The following PITPNA variants were observed in gnomAD, a reference collection of about 807,000 sequenced individuals.
The protein encoded by PITPNA is phosphatidylinositol transfer protein alpha isoform.
PITPNA carries 13 observed loss-of-function variants against 50.3 expected under a neutral mutation model. The observed-to-expected ratio is 0.26, with a 90% CI of 0.17 to 0.41. PITPNA has a LOEUF of 0.41. Among genes scored for constraint, PITPNA ranks in the 10% least tolerant of loss-of-function variants. PITPNA has a pLI of 1.00. For missense variants in PITPNA, 207 were observed against 333.4 expected (o/e 0.62, Z 2.95); for synonymous variants, 120 against 119.6 (o/e 1.00, Z -0.02).
chr17:1,556,566 C>T (rs934964186), intron 2 of PITPNA, among the ~76,000 whole-genome samples: 5 of 152,158 alleles, frequency 3.3e-5, no homozygotes, highest in African/African-American at 1.2e-4. Flanking sequence ...CTCAGAGACA[C>T]TCTCGCCCTT....
At chr17:1,521,893 T>G (rs77591819) in intron 10 of PITPNA, among the ~76,000 whole-genome samples, 1 of 140,682 alleles carries the variant, frequency 7.1e-6, no homozygotes, top group African/African-American at 2.5e-5. Context: ...TTTTTTTTTT[T>G]GGTAAAGAGG....
At chr17:1,543,126 G>A in intron 4 of PITPNA, 99 bp from the exon 5 acceptor site, 4 of 930,512 alleles carry the variant, frequency 4.3e-6, no homozygotes, top group Non-Finnish European at 6.6e-6. Context: ...GAATGGCAGA[G>A]TGTACTTTAC....
intron 4 of PITPNA, among the ~76,000 whole-genome samples, chr17:1,548,054 T>C (rs1365345739): frequency 6.6e-6 from 1 of 152,152 alleles, no homozygotes; most frequent in Non-Finnish European, 1.5e-5. Context: ...TTATAATGAA[T>C]AACAATAATC....
At chr17:1,543,718 G>T (rs1370961994) in intron 4 of PITPNA, among the ~76,000 whole-genome samples, 2 of 152,110 alleles carry the variant, frequency 1.3e-5, no homozygotes, top group African/African-American at 4.8e-5. Context: ...TGAAGTTAAG[G>T]TGACCCCGGA....
At chr17:1,546,808 T>A (rs1247067370) in intron 4 of PITPNA, among the ~76,000 whole-genome samples, 1 of 152,162 alleles carries the variant, frequency 6.6e-6, no homozygotes, top group African/African-American at 2.4e-5. Flanking sequence ...TTTAAGAATG[T>A]CTGGACTAGA....
chr17:1,532,369 G>T (rs757292338), intron 10 of PITPNA, among the ~76,000 whole-genome samples: 1 of 152,112 alleles, frequency 6.6e-6, no homozygotes, highest in African/African-American at 2.4e-5. Context: ...TTACAGGTGT[G>T]AGCCACCGTG....
At chr17:1,532,794 T>A (rs774412510) in intron 10 of PITPNA, among the ~76,000 whole-genome samples, 4 of 152,200 alleles carry the variant, frequency 2.6e-5, no homozygotes, top group Admixed American at 6.5e-5. Context: ...AATCAGGGAC[T>A]GTGCCCCAAT....
In PITPNA at chr17:1,519,285, TGA is replaced by T. The variant is rs2075494101; in HGVS notation, c.*1274_*1275del. ...TTCACAAGGTTTGGGGAATGTCAGG[TGA>T]CACTACAGCTCTCTCTCATTCTCCC... On this transcript the variant is annotated 3_prime_UTR_variant, in exon 12 of 12. Transcript: ENST00000313486. The T allele has an allele frequency of 6.6e-6, 1 of 152,258 alleles. No individual in the cohort carries two copies. Among genetic ancestry groups the T allele is most frequent in the Non-Finnish European group, 1.5e-5 (1 of 68,050 alleles). The allele number at this position is 152,258 out of a possible 1,614,324, so 9.4% of individuals were successfully genotyped here. A position where few individuals can be genotyped will look rare whatever the true frequency, so the allele number is the denominator to read the frequency against.
intron 3 of PITPNA, among the ~76,000 whole-genome samples, chr17:1,549,167 C>T (rs566323486): frequency 9.6e-4 from 146 of 151,764 alleles, no homozygotes; most frequent in Middle Eastern, 3.4e-3. Flanking sequence ...TGGCCTCCCA[C>T]GGTGCTGGGA....
intron 2 of PITPNA, among the ~76,000 whole-genome samples, chr17:1,555,966 A>G (rs188730190): frequency 6.6e-6 from 1 of 152,258 alleles, no homozygotes; most frequent in East Asian, 1.9e-4. Flanking sequence ...CAAAGGCATG[A>G]CCTTCTCTTT....
chr17:1,529,155 A>AAAAGAGAGAG (rs1555530754), intron 10 of PITPNA, among the ~76,000 whole-genome samples: 2 of 106,642 alleles, frequency 1.9e-5, no homozygotes, highest in African/African-American at 4.1e-5. Context: ...AAAAAAAAAA[A>AAAAGAGAGAG]AGAGAGAGAG....
Position 1,562,758 on chromosome 17 carries a change from A to T in PITPNA, c.-198T>A, listed in dbSNP as rs1471618742. The T allele has an allele frequency of 5.8e-6, 1 of 172,032 alleles. No homozygotes were observed. The highest frequency in any genetic ancestry group is 2.4e-5 in the African/African-American group (1 of 41,542). The allele number at this position is 172,032 out of a possible 1,614,324, so 10.7% of individuals were successfully genotyped here. On this transcript the variant is annotated 5_prime_UTR_variant, in exon 1 of 12. Transcript: ENST00000313486. The surrounding 1 kb of genome is among the most constrained non-coding windows in gnomAD (Gnocchi z 6.4). Reference sequence around the variant, plus strand: ...CTCGTCGCCTCTCGCGCCGCTGCCGACGCCGCCCGGAGCTCCGGTTCCGCA... The same window carrying T: ...CTCGTCGCCTCTCGCGCCGCTGCCGTCGCCGCCCGGAGCTCCGGTTCCGCA...
chr17:1,550,612 T>C (rs940633494), intron 3 of PITPNA, among the ~76,000 whole-genome samples: 1 of 151,902 alleles, frequency 6.6e-6, no homozygotes, highest in East Asian at 1.9e-4. Flanking sequence ...ACTGGCAGCC[T>C]TGACTTCCTG....
intron 3 of PITPNA, among the ~76,000 whole-genome samples, chr17:1,549,509 G>A (rs932457949): frequency 1.4e-5 from 2 of 147,262 alleles, no homozygotes; most frequent in African/African-American, 2.5e-5. Flanking sequence ...GTAAAGACAG[G>A]GTTTCGCCAT....
intron 10 of PITPNA, among the ~76,000 whole-genome samples, chr17:1,525,395 G>A (rs2075541443): frequency 6.6e-6 from 1 of 151,858 alleles, no homozygotes; most frequent in Admixed American, 6.6e-5. Context: ...TGAAGAACCT[G>A]GAATTTTAAG....
At position 1,529,859 on chromosome 17, in the gene PITPNA, G is replaced by GA. The variant is rs576234626; in HGVS notation, c.768+4239dup. Among the ~76,000 whole-genome samples the GA allele has an allele frequency of 1.2e-3, 146 of 125,620 alleles. 1 individual carries two copies. Among genetic ancestry groups the GA allele is most frequent in the Middle Eastern group, 3.9e-3 (1 of 258 alleles). 82.4% of individuals were successfully genotyped at this position (125,620 alleles called of 152,430 possible). ...GACAGAGCGAGACTCTGTTTCAAAAGAAAAAAAAAAAAAGAAAACAAGTTT... is the reference window on the plus strand; with the variant it reads ...GACAGAGCGAGACTCTGTTTCAAAAGAAAAAAAAAAAAAAGAAAACAAGTTT... On this transcript the variant is annotated intron_variant, in intron 10 of 11. Transcript: ENST00000313486.
rs370975169 is a variant in PITPNA at position 1,520,001 on chromosome 17, C to G, written c.*560G>C. 6.6e-6 allele frequency: 1 copy of G among 152,190 alleles called. No homozygotes were observed. The highest frequency in any genetic ancestry group is 1.5e-5 in the Non-Finnish European group (1 of 68,062). 9.4% of individuals were successfully genotyped at this position (152,190 alleles called of 1,614,324 possible). Reference sequence around the variant, plus strand: ...GCTAGAGTGCCCTAACGATGGGTTACTGGGAGCAGAAGTCAGAGCTGCAAA... The same window carrying G: ...GCTAGAGTGCCCTAACGATGGGTTAGTGGGAGCAGAAGTCAGAGCTGCAAA... On this transcript the variant is annotated 3_prime_UTR_variant, in exon 12 of 12. Coordinates refer to ENST00000313486, the MANE Select transcript of PITPNA (RefSeq NM_006224.4).
intron 2 of PITPNA, among the ~76,000 whole-genome samples, chr17:1,555,713 C>T (rs1384637386): frequency 2.0e-5 from 3 of 152,194 alleles, no homozygotes; most frequent in Non-Finnish European, 4.4e-5. Flanking sequence ...TTTGGTCCCA[C>T]CAACATGGCC....
intron 1 of PITPNA, among the ~76,000 whole-genome samples, chr17:1,561,637 C>T (rs1045472501): frequency 1.3e-5 from 2 of 152,168 alleles, no homozygotes; most frequent in East Asian, 3.9e-4. Flanking sequence ...TCCCCACGTC[C>T]CAAGCAGTCA....
Sources: gnomAD v4.1 joint callset for allele counts (sites outside exome capture counted in the v4.1 genomes callset) on GRCh38, gnomAD v4.1.1 for gene constraint, Gnocchi (gnomAD v3.1) non-coding constraint, MANE v1.5 for transcripts, NCBI Gene and HGNC (gene_info 2026-07-23, HGNC 2026-07-21) for gene names.